Variants in CDH18 observed in about 807,000 individuals in gnomAD.
CDH18 encodes the protein cadherin 18.
Under a neutral mutation model 67.9 loss-of-function variants are expected in CDH18, and 31 were observed. That is an observed-to-expected ratio of 0.46 (90% CI 0.34 to 0.62). CDH18 has a LOEUF of 0.62. Among genes scored for constraint, CDH18 ranks in the 20% least tolerant of loss-of-function variants. The pLI is 0.01. For synonymous variants in CDH18, 362 were observed against 347.2 expected, an observed-to-expected ratio of 1.04 and a Z score of -0.48; for missense variants, 890 against 975.5, an observed-to-expected ratio of 0.91 and a Z score of 1.17.
At chr5:20,112,111 A>T (rs1659093101) in intron 2 of CDH18, among the ~76,000 whole-genome samples, 1 of 152,174 alleles carries the variant, frequency 6.6e-6, no homozygotes, top group Admixed American at 6.5e-5. Context: ...CATTTCACGT[A>T]ACATATATTT....
At chr5:20,534,727 CTT>C (rs1467345664) in intron 1 of CDH18, among the ~76,000 whole-genome samples, 1 of 151,804 alleles carries the variant, frequency 6.6e-6, no homozygotes, top group Admixed American at 6.6e-5. Flanking sequence ...TTTTATTTTT[CTT>C]TGTTTACCAA....
chr5:19,571,575 A>G lies in CDH18; in HGVS notation c.1253+4T>C. The G allele has an allele frequency of 6.2e-7, 1 of 1,613,722 alleles. No homozygotes were observed. The highest frequency in any genetic ancestry group is 8.5e-7 in the Non-Finnish European group (1 of 1,179,624). ...TATGTCTAAACGATTGAAGCATGCC[A>G]TACCTTACTAAGCTGTTAGTACTGT... is the stretch of plus-strand genomic sequence containing the variant. On this transcript the variant is annotated splice_donor_region_variant and intron_variant, in intron 8 of 12. Coordinates refer to ENST00000382275, the MANE Select transcript of CDH18 (RefSeq NM_004934.5).
intron 11 of CDH18, among the ~76,000 whole-genome samples, chr5:19,486,818 G>T (rs547262802): frequency 1.1e-4 from 14 of 122,824 alleles, no homozygotes; most frequent in African/African-American, 3.1e-4. Context: ...AAATAAATAA[G>T]ATATTATAGA....
intron 10 of CDH18, among the ~76,000 whole-genome samples, chr5:19,516,475 G>T: frequency 6.6e-6 from 1 of 151,926 alleles, no homozygotes; most frequent in East Asian, 1.9e-4. Flanking sequence ...AATAAGTCTG[G>T]TCCTAGACTT....
intron 1 of CDH18, among the ~76,000 whole-genome samples, chr5:20,493,297 C>T (rs1347211316): frequency 1.5e-5 from 2 of 129,150 alleles, no homozygotes; most frequent in East Asian, 2.4e-4. Flanking sequence ...TGCAGTGAGC[C>T]GAGATCATGC....
chr5:19,643,819 G>C (rs1355407626), intron 5 of CDH18, among the ~76,000 whole-genome samples: 1 of 152,096 alleles, frequency 6.6e-6, no homozygotes, highest in East Asian at 1.9e-4. Context: ...TAAGATGATA[G>C]ATCTTCAGTG....
intron 2 of CDH18, among the ~76,000 whole-genome samples, chr5:19,864,583 C>T (rs1785277083): frequency 6.6e-6 from 1 of 152,068 alleles, no homozygotes; most frequent in African/African-American, 2.4e-5. Flanking sequence ...TAAGACTTTT[C>T]ACAGAGCATT....
At chr5:20,564,072 T>G (rs114218868) in intron 1 of CDH18, among the ~76,000 whole-genome samples, 10 of 151,916 alleles carry the variant, frequency 6.6e-5, no homozygotes, top group Non-Finnish European at 1.5e-4. Flanking sequence ...ATTCACAACA[T>G]CCATTTTCCT....
intron 2 of CDH18, among the ~76,000 whole-genome samples, chr5:20,131,763 CTTTAAGGACATATTTTGTCA>C (rs1249764727): frequency 6.6e-6 from 1 of 152,146 alleles, no homozygotes; most frequent in Non-Finnish European, 1.5e-5. Flanking sequence ...AACTACACCA[CTTTAAGGACATATTTTGTCA>C]AAAATCTATT....
At chr5:20,380,911 C>A (rs1399775941) in intron 1 of CDH18, among the ~76,000 whole-genome samples, 1 of 152,098 alleles carries the variant, frequency 6.6e-6, no homozygotes, top group Non-Finnish European at 1.5e-5. Context: ...AATTATGTAA[C>A]CCCTAAATTT....
At chr5:20,454,212 G>A (rs1318662836) in intron 1 of CDH18, among the ~76,000 whole-genome samples, 2 of 151,942 alleles carry the variant, frequency 1.3e-5, no homozygotes, top group African/African-American at 4.8e-5. Context: ...CAAGAAATCT[G>A]GGCTTTTCAC....
At chr5:20,216,765 A>G (rs181823200) in intron 2 of CDH18, among the ~76,000 whole-genome samples, 114 of 152,078 alleles carry the variant, frequency 7.5e-4, no homozygotes, top group African/African-American at 2.6e-3. Context: ...CAACGACAAA[A>G]CAAAAGAAAA....
At chr5:20,222,993 T>A (rs1741349445) in intron 2 of CDH18, among the ~76,000 whole-genome samples, 1 of 152,218 alleles carries the variant, frequency 6.6e-6, no homozygotes, top group African/African-American at 2.4e-5. Context: ...ATTATATAAA[T>A]AATTATTTGA....
Position 20,555,408 on chromosome 5 carries a change from C to CTTTT in CDH18, c.-580+20050_-580+20053dup, listed in dbSNP as rs774396694. ...GCCAGAACCACCAAGACAAGCTTTT[C>CTTTT]TTTTTTTTTTTTTTTTTTTTTTTTT... On this transcript the variant is annotated intron_variant, in intron 1 of 14. Transcript: ENST00000507958. 1.7e-3 allele frequency among the ~76,000 whole-genome samples: 174 copies of CTTTT among 103,620 alleles called. 6 individuals are homozygous for CTTTT. Among genetic ancestry groups the CTTTT allele is most frequent in the African/African-American group, 3.2e-3 (78 of 24,352 alleles). 68.0% of individuals were successfully genotyped at this position (103,620 alleles called of 152,430 possible).
At chr5:19,484,264 A>T (rs1739992396) in intron 11 of CDH18, among the ~76,000 whole-genome samples, 1 of 152,176 alleles carries the variant, frequency 6.6e-6, no homozygotes. Context: ...GCTGAAAATA[A>T]TTTTTGTTAT....
intron 1 of CDH18, among the ~76,000 whole-genome samples, chr5:20,408,225 C>T (rs943899323): frequency 1.3e-5 from 2 of 151,968 alleles, no homozygotes; most frequent in Non-Finnish European, 2.9e-5. Context: ...GGGAGATCAT[C>T]ACCACTAGAC....
At chr5:20,315,386 C>A (rs1737372622) in intron 1 of CDH18, among the ~76,000 whole-genome samples, 1 of 152,038 alleles carries the variant, frequency 6.6e-6, no homozygotes, top group South Asian at 2.1e-4. Context: ...ATTCTCCAGG[C>A]CTTTGCCAAT....
chr5:20,198,779 C>T (rs1242826509), intron 2 of CDH18, among the ~76,000 whole-genome samples: 2 of 152,144 alleles, frequency 1.3e-5, no homozygotes, highest in Non-Finnish European at 2.9e-5. Flanking sequence ...GGGCCTGGCC[C>T]AGGGCCCGCC....
At chr5:20,439,586 C>A (rs1281508251) in intron 1 of CDH18, among the ~76,000 whole-genome samples, 1 of 151,622 alleles carries the variant, frequency 6.6e-6, no homozygotes, top group Non-Finnish European at 1.5e-5. Context: ...GATTTTATAA[C>A]CTTAATCAGT....
Sources: allele counts gnomAD v4.1 joint callset (sites outside exome capture counted in the v4.1 genomes callset), GRCh38; gene constraint gnomAD v4.1.1; transcripts MANE v1.5; gene names NCBI Gene and HGNC (gene_info 2026-07-23, HGNC 2026-07-21).